Variants in DPYSL5 observed in about 807,000 individuals in gnomAD.
The protein encoded by DPYSL5 is dihydropyrimidinase like 5.
In DPYSL5, 9 loss-of-function variants were observed where a neutral mutation model predicts 58.4. The ratio of observed to expected loss-of-function variants is 0.15; its 90% CI spans 0.09 to 0.27. The LOEUF (loss-of-function observed/expected upper bound fraction) is 0.27. DPYSL5 is among the 10% of genes least tolerant of loss of function. The pLI, the probability that DPYSL5 is intolerant of heterozygous loss-of-function variation, is 1.00. For synonymous variants in DPYSL5, 293 were observed against 301.9 expected (o/e 0.97, Z 0.31); for missense variants, 499 against 770.6 (o/e 0.65, Z 4.17).
At chr2:26,926,142 C>T (rs926976658) in intron 3 of DPYSL5, among the ~76,000 whole-genome samples, 14 of 152,220 alleles carry the variant, frequency 9.2e-5, no homozygotes, top group African/African-American at 3.4e-4. Context: ...TAACCTAAAG[C>T]CTCACTATAT....
chr2:26,928,687 G>GTGTATATATA lies in DPYSL5; in HGVS notation c.669+365_669+366insGTATATATAT, dbSNP rs143828804. On this transcript the variant is annotated intron_variant, in intron 5 of 12. Coordinates refer to ENST00000288699, the MANE Select transcript of DPYSL5 (RefSeq NM_020134.4). ...ACTGCAATCCAGCCAAGGTGATAGA[G>GTGTATATATA]TATATATATATATATATACACACAC... Among the ~76,000 whole-genome samples the GTGTATATATA allele has an allele frequency of 6.4e-3, 387 of 60,532 alleles. 43 individuals carry two copies. Among genetic ancestry groups the GTGTATATATA allele is most frequent in the East Asian group, 0.018 (30 of 1,706 alleles). The allele number at this position is 60,532 out of a possible 152,430, so 39.7% of individuals were successfully genotyped here.
chr2:26,928,012 T>C (rs1482199597), intron 4 of DPYSL5, among the ~76,000 whole-genome samples: 3 of 152,224 alleles, frequency 2.0e-5, no homozygotes, highest in Non-Finnish European at 1.5e-5. Context: ...AATACTTAAC[T>C]GTATTTTTAA....
At chr2:26,868,166 T>C (rs1360358336) in intron 1 of DPYSL5, among the ~76,000 whole-genome samples, 1 of 152,216 alleles carries the variant, frequency 6.6e-6, no homozygotes, top group Non-Finnish European at 1.5e-5. Context: ...GTGTATCACT[T>C]ACTGATGTCC....
At chr2:26,906,568 G>A (rs182244084) in intron 2 of DPYSL5, among the ~76,000 whole-genome samples, 361 of 152,192 alleles carry the variant, frequency 2.4e-3, no homozygotes, top group African/African-American at 6.8e-3. Context: ...TCATGGGTAC[G>A]TTTTCCCATC....
At chr2:26,855,019 T>C (rs1478192144) in intron 1 of DPYSL5, among the ~76,000 whole-genome samples, 1 of 150,096 alleles carries the variant, frequency 6.7e-6, no homozygotes, top group African/African-American at 2.4e-5. Context: ...GGTTTCACCA[T>C]GTTGGCCAGG....
chr2:26,902,348 G>A (rs562384404), intron 2 of DPYSL5, among the ~76,000 whole-genome samples: 54 of 152,126 alleles, frequency 3.5e-4, no homozygotes, highest in Admixed American at 3.2e-3. Flanking sequence ...AGGCTCTTGA[G>A]CTCCACCCAC....
intron 2 of DPYSL5, among the ~76,000 whole-genome samples, chr2:26,915,858 A>G (rs1024811895): frequency 8.5e-5 from 13 of 152,048 alleles, no homozygotes; most frequent in Non-Finnish European, 1.0e-4. Context: ...CCTCTCCTGA[A>G]TGAATGGGAA....
In DPYSL5 at chr2:26,948,334, C is replaced by T. The variant is rs1344767196; in HGVS notation, c.*1339C>T. 1 of 152,334 alleles carries T rather than the reference C, an allele frequency of 6.6e-6. No homozygotes were observed. Among genetic ancestry groups the T allele is most frequent in the Non-Finnish European group, 1.5e-5 (1 of 68,150 alleles). 9.4% of individuals were successfully genotyped at this position (152,334 alleles called of 1,614,324 possible). Reference sequence around the variant, plus strand: ...GCACCAGGCCCTTGCCAGCTCATGGCCTCATCTTCTCCCCTGTCCATCCAG... The same window carrying T: ...GCACCAGGCCCTTGCCAGCTCATGGTCTCATCTTCTCCCCTGTCCATCCAG... On this transcript the variant is annotated 3_prime_UTR_variant, in exon 13 of 13. Transcript: ENST00000288699.
At position 26,898,377 on chromosome 2, in the gene DPYSL5, G is replaced by A; in HGVS notation, c.-4-119G>A. 1 of 1,420,866 alleles carries A rather than the reference G, an allele frequency of 7.0e-7. No homozygotes were observed. Among genetic ancestry groups the A allele is most frequent in the Non-Finnish European group, 9.6e-7 (1 of 1,044,244 alleles). The allele number at this position is 1,420,866 out of a possible 1,614,324, so 88.0% of individuals were successfully genotyped here. A position where few individuals can be genotyped will look rare whatever the true frequency, so the allele number is the denominator to read the frequency against. ...TGACTCCCGCTGGCTGTAGGGGAAA[G>A]TTCCTCCTCTTCTCTGCTCACTTAC... is the stretch of plus-strand genomic sequence containing the variant. On this transcript the variant is annotated intron_variant, in intron 1 of 12. Coordinates refer to ENST00000288699, the MANE Select transcript of DPYSL5 (RefSeq NM_020134.4). This position sits in a 1 kb window ranked among gnomAD's most constrained non-coding sequence, Gnocchi z 6.1.
chr2:26,852,290 C>G (rs1665775084), intron 1 of DPYSL5, among the ~76,000 whole-genome samples: 1 of 152,280 alleles, frequency 6.6e-6, no homozygotes, highest in East Asian at 1.9e-4. Flanking sequence ...GATTTCATTG[C>G]ACTGCTGGTG....
chr2:26,892,821 G>A (rs1663923758), intron 1 of DPYSL5, among the ~76,000 whole-genome samples: 1 of 149,804 alleles, frequency 6.7e-6, no homozygotes, highest in African/African-American at 2.4e-5. Flanking sequence ...TGGGCTTCCT[G>A]TGGCCAGAGT....
intron 1 of DPYSL5, among the ~76,000 whole-genome samples, chr2:26,867,707 G>C (rs1279404834): frequency 6.6e-6 from 1 of 151,906 alleles, no homozygotes; most frequent in East Asian, 1.9e-4. Flanking sequence ...CGCCCGCCTC[G>C]GCCTCCCAAA....
intron 1 of DPYSL5, among the ~76,000 whole-genome samples, chr2:26,860,983 C>T (rs1665996064): frequency 6.6e-6 from 1 of 152,124 alleles, no homozygotes; most frequent in South Asian, 2.1e-4. Flanking sequence ...CCTGTCTAAA[C>T]AGTAATAATA....
chr2:26,925,214 G>A lies in DPYSL5; in HGVS notation c.420+169G>A, dbSNP rs1034218398. ...TTGGGATTCCATAAGGGGAGCGGAT[G>A]GGCTTGTGCTGCTTAACTTAATGAG... On this transcript the variant is annotated intron_variant, in intron 3 of 12. Coordinates refer to ENST00000288699, the MANE Select transcript of DPYSL5 (RefSeq NM_020134.4). The surrounding 1 kb of genome is among the most constrained non-coding windows in gnomAD (Gnocchi z 4.5). 1.6e-4 allele frequency among the ~76,000 whole-genome samples: 25 copies of A among 152,208 alleles called. No individual in the cohort carries two copies. The highest frequency in any genetic ancestry group is 5.5e-4 in the African/African-American group (23 of 41,466).
intron 1 of DPYSL5, among the ~76,000 whole-genome samples, chr2:26,859,884 G>A (rs1665967504): frequency 1.3e-5 from 2 of 152,340 alleles, no homozygotes; most frequent in South Asian, 4.1e-4. Flanking sequence ...TTGGGCTGTT[G>A]TTTGAGATGG....
intron 1 of DPYSL5, among the ~76,000 whole-genome samples, chr2:26,856,884 AT>A (rs1478731809): frequency 2.0e-5 from 3 of 148,070 alleles, no homozygotes; most frequent in East Asian, 3.9e-4. Flanking sequence ...AGTTAAAAAA[AT>A]TATATATATT....
At chr2:26,943,954 T>C (rs6707735) in intron 11 of DPYSL5, among the ~76,000 whole-genome samples, 83,471 of 151,960 alleles carry the variant, frequency 0.55, 23,575 homozygotes, top group East Asian at 0.68. Context: ...CGTGGGAGCC[T>C]AAGGTGGGGA....
chr2:26,858,320 C>A (rs1285455573), intron 1 of DPYSL5, among the ~76,000 whole-genome samples: 1 of 151,916 alleles, frequency 6.6e-6, no homozygotes, highest in African/African-American at 2.4e-5. Context: ...TACAGGCACG[C>A]GCCACCAAGC....
Position 26,942,152 on chromosome 2 carries a change from A to G in DPYSL5, c.1232+60A>G. The G allele has an allele frequency of 8.1e-6, 13 of 1,602,350 alleles. No homozygotes were observed. Among genetic ancestry groups the G allele is most frequent in the Non-Finnish European group, 1.1e-5 (13 of 1,174,292 alleles). On this transcript the variant is annotated intron_variant, in intron 10 of 12. Transcript: ENST00000288699. The surrounding 1 kb of genome is among the most constrained non-coding windows in gnomAD (Gnocchi z 5.9). ...GCTTGGGATTTTGAAGAAGACTTGCATTACAGATCTCCAAAAGCATATAAT... is the reference window on the plus strand; with the variant it reads ...GCTTGGGATTTTGAAGAAGACTTGCGTTACAGATCTCCAAAAGCATATAAT...
Sources: allele counts gnomAD v4.1 joint callset (sites outside exome capture counted in the v4.1 genomes callset), GRCh38; gene constraint gnomAD v4.1.1; non-coding constraint Gnocchi (gnomAD v3.1); transcripts MANE v1.5; gene names NCBI Gene and HGNC (gene_info 2026-07-23, HGNC 2026-07-21).